The following TTC28 variants were observed in gnomAD, a reference collection of about 807,000 sequenced individuals.
The protein encoded by TTC28 is tetratricopeptide repeat domain 28, also known as tetratricopeptide repeat protein 28.
Under a neutral mutation model 198.0 loss-of-function variants are expected in TTC28, and 61 were observed. The observed-to-expected ratio is 0.31, with a 90% CI of 0.25 to 0.38. TTC28 has a LOEUF of 0.38. Among genes scored for constraint, TTC28 ranks in the 10% least tolerant of loss-of-function variants. The pLI, the probability that TTC28 is intolerant of heterozygous loss-of-function variation, is 1.00. For synonymous variants in TTC28, 1,171 were observed against 1,297.8 expected, an observed-to-expected ratio of 0.90 and a Z score of 2.10; for missense variants, 2,678 against 3,164.0, an observed-to-expected ratio of 0.85 and a Z score of 3.69.
chr22:28,191,375 C>T (rs772882903), intron 5 of TTC28, among the ~76,000 whole-genome samples: 8 of 152,202 alleles, frequency 5.3e-5, no homozygotes, highest in East Asian at 3.9e-4. Context: ...ACACAGAAGA[C>T]GGGTGATTTC....
intron 19 of TTC28, among the ~76,000 whole-genome samples, chr22:27,991,968 T>C (rs559523916): frequency 6.6e-6 from 1 of 152,360 alleles, no homozygotes; most frequent in South Asian, 2.1e-4. Flanking sequence ...CATGGTTAAG[T>C]ACTTTGATCA....
intron 2 of TTC28, among the ~76,000 whole-genome samples, chr22:28,488,993 T>C (rs1451396854): frequency 6.6e-6 from 1 of 152,104 alleles, no homozygotes; most frequent in Non-Finnish European, 1.5e-5. Flanking sequence ...TATTAAAAAA[T>C]CATTACTTGG....
intron 2 of TTC28, among the ~76,000 whole-genome samples, chr22:28,398,243 T>C (rs903771523): frequency 1.3e-5 from 2 of 151,864 alleles, no homozygotes; most frequent in African/African-American, 4.8e-5. Context: ...TCAGGAGAGA[T>C]GGAGAGGGGG....
intron 2 of TTC28, among the ~76,000 whole-genome samples, chr22:28,542,687 A>G (rs558538902): frequency 6.6e-6 from 1 of 152,294 alleles, no homozygotes; most frequent in South Asian, 2.1e-4. Flanking sequence ...GTAATCTAAG[A>G]GTCAAGGAAT....
chr22:28,447,316 A>G (rs1374107215), intron 2 of TTC28, among the ~76,000 whole-genome samples: 1 of 152,224 alleles, frequency 6.6e-6, no homozygotes, highest in Non-Finnish European at 1.5e-5. Context: ...GGCAACTGCT[A>G]AGCAACTCAA....
At chr22:28,299,614 G>T (rs1672859764) in intron 3 of TTC28, among the ~76,000 whole-genome samples, 1 of 152,162 alleles carries the variant, frequency 6.6e-6, no homozygotes, top group Non-Finnish European at 1.5e-5. Context: ...GCAGAATTTT[G>T]GTGGTGCCGT....
chr22:28,449,275 A>G (rs937658364), intron 2 of TTC28, among the ~76,000 whole-genome samples: 6 of 152,214 alleles, frequency 3.9e-5, no homozygotes, highest in African/African-American at 1.4e-4. Flanking sequence ...GAGCCAAATC[A>G]TGGAGGTATA....
intron 12 of TTC28, among the ~76,000 whole-genome samples, chr22:28,031,519 C>T (rs746624278): frequency 2.0e-5 from 3 of 152,202 alleles, no homozygotes; most frequent in African/African-American, 4.8e-5. Context: ...GGCAGACCTC[C>T]TGTCGCTGAG....
At chr22:28,430,036 A>ATTTT (rs919396993) in intron 2 of TTC28, among the ~76,000 whole-genome samples, 22 of 109,948 alleles carry the variant, frequency 2.0e-4, no homozygotes, top group South Asian at 3.5e-4. Flanking sequence ...CTGGAATATG[A>ATTTT]TTTTTTTTTT....
chr22:28,107,394 A>T lies in TTC28; in HGVS notation c.2451T>A (p.Tyr817Ter). 6.4e-7 allele frequency: 1 copy of T among 1,551,830 alleles called. No individual in the cohort carries two copies. Among genetic ancestry groups the T allele is most frequent in the Non-Finnish European group, 8.7e-7 (1 of 1,147,048 alleles). ...LGKYTMAFKCYEEQLDLGQKL... is the reference protein window; with the variant it reads ...LGKYTMAFKC ...TTTGCCCTAGATCCAGTTGCTCTTC[A>T]TAACACTTGAATGCCATTGTGTATT... Residue 817 changes from tyrosine to a stop codon, truncating the protein, a stop_gained, in exon 7 of 23, where the codon TAT becomes TAA. Coordinates refer to ENST00000397906, the MANE Select transcript of TTC28 (RefSeq NM_001145418.2). LOFTEE classifies it high-confidence loss of function.
At chr22:28,451,185 A>G (rs2047773070) in intron 2 of TTC28, among the ~76,000 whole-genome samples, 2 of 152,360 alleles carry the variant, frequency 1.3e-5, no homozygotes, top group South Asian at 4.1e-4. Flanking sequence ...GCCAGAGCTC[A>G]TCAGGACTGC....
chr22:28,509,205 A>T (rs1303088181), intron 2 of TTC28, among the ~76,000 whole-genome samples: 1 of 152,164 alleles, frequency 6.6e-6, no homozygotes, highest in East Asian at 1.9e-4. Context: ...AAAAAAAAAA[A>T]AAATACTCTC....
intron 12 of TTC28, among the ~76,000 whole-genome samples, chr22:28,068,097 G>T (rs1028981975): frequency 6.6e-6 from 1 of 152,042 alleles, no homozygotes; most frequent in Admixed American, 6.6e-5. Context: ...ACACCCACAC[G>T]TCTCAAACAT....
At chr22:28,270,059 A>C (rs1429692116) in intron 5 of TTC28, among the ~76,000 whole-genome samples, 1 of 152,226 alleles carries the variant, frequency 6.6e-6, no homozygotes, top group Non-Finnish European at 1.5e-5. Context: ...TGTGAGGACC[A>C]TGACCCATGA....
chr22:28,553,514 C>T (rs1164498910), intron 2 of TTC28, among the ~76,000 whole-genome samples: 18 of 151,374 alleles, frequency 1.2e-4, no homozygotes, highest in South Asian at 4.2e-4. Flanking sequence ...TCTGCCCGGC[C>T]GCCCCGTCTG....
At chr22:28,311,626 TCAC>T (rs1246968054) in intron 2 of TTC28, among the ~76,000 whole-genome samples, 1 of 152,148 alleles carries the variant, frequency 6.6e-6, no homozygotes, top group Non-Finnish European at 1.5e-5. Flanking sequence ...GGGGTATCCA[TCAC>T]CACAAGCATT....
chr22:28,502,933 C>T (rs1395211323), intron 2 of TTC28, among the ~76,000 whole-genome samples: 2 of 152,102 alleles, frequency 1.3e-5, no homozygotes, highest in African/African-American at 2.4e-5. Flanking sequence ...TTGGACACTA[C>T]CTGACAGATT....
intron 5 of TTC28, among the ~76,000 whole-genome samples, chr22:28,284,441 G>A (rs1315721258): frequency 6.6e-6 from 1 of 151,784 alleles, no homozygotes; most frequent in African/African-American, 2.4e-5. Context: ...GAGCAATTTG[G>A]GTAAATCTTT....
Position 27,982,953 on chromosome 22 carries a change from C to T in TTC28, c.6714G>A (p.Arg2238=), listed in dbSNP as rs901149944. 2 of 1,551,586 alleles carry T rather than the reference C, an allele frequency of 1.3e-6. No individual in the cohort carries two copies. Among genetic ancestry groups the T allele is most frequent in the Non-Finnish European group, 1.7e-6 (2 of 1,146,982 alleles). The part of the protein sequence containing the change: ...PVTVKPKPPA[R]SSSLPKVSSG... ...AACTCACCTTGGGCAGGGAGGAGCT[C>T]CTGGCTGGGGGCTTTGGTTTAACAG... Residue 2238 remains arginine, a synonymous_variant, in exon 23 of 23, where the codon AGG becomes AGA. Coordinates refer to ENST00000397906, the MANE Select transcript of TTC28 (RefSeq NM_001145418.2). This position sits in a 1 kb window ranked among gnomAD's most constrained non-coding sequence, Gnocchi z 5.2.
Sources: gnomAD v4.1 joint callset for allele counts (sites outside exome capture counted in the v4.1 genomes callset) on GRCh38, gnomAD v4.1.1 for gene constraint, Gnocchi (gnomAD v3.1) non-coding constraint, MANE v1.5 for transcripts, NCBI Gene and HGNC (gene_info 2026-07-23, HGNC 2026-07-21) for gene names.